ACSL4: variants seen among roughly 807,000 people sequenced by gnomAD.
ACSL4 encodes long-chain-fatty-acid--CoA ligase 4.
A neutral mutation model predicts 49.1 loss-of-function variants in ACSL4; 9 were observed. The observed-to-expected ratio is 0.18, with a 90% CI of 0.11 to 0.32. The LOEUF is 0.32. Ranked by LOEUF, ACSL4 falls within the 10% of genes least tolerant of loss-of-function variation. The pLI, the probability that ACSL4 is intolerant of heterozygous loss-of-function variation, is 1.00. For missense variants in ACSL4, 333 were observed against 493.7 expected (o/e 0.67, Z 3.08); for synonymous variants, 191 against 170.3 (o/e 1.12, Z -0.95).
At chrX:109,697,598 A>G (rs1925537897) in intron 1 of ACSL4, among the ~76,000 whole-genome samples, 1 of 109,315 alleles carries the variant, frequency 9.1e-6, no homozygotes, top group South Asian at 4.1e-4. Flanking sequence ...GTTACCAGGG[A>G]CAGTATCAGT....
At chrX:109,679,387 A>G (rs1923991302) in intron 6 of ACSL4, among the ~76,000 whole-genome samples, 1 of 112,637 alleles carries the variant, frequency 8.9e-6, no homozygotes. Context: ...CAAGTTTAAC[A>G]GGATTATCAC....
intron 1 of ACSL4, among the ~76,000 whole-genome samples, chrX:109,732,238 T>C (rs949213834): frequency 8.9e-6 from 1 of 112,176 alleles, no homozygotes; most frequent in African/African-American, 3.2e-5. Context: ...GAGCGACGAT[T>C]GACCTTTTTT....
intron 2 of ACSL4, among the ~76,000 whole-genome samples, chrX:109,694,943 A>T (rs953441571): frequency 1.8e-5 from 2 of 112,017 alleles, no homozygotes; most frequent in African/African-American, 6.5e-5. Context: ...AAGATCAGAA[A>T]TACACGCAAA....
chrX:109,726,881 T>G (rs12847335), intron 1 of ACSL4, among the ~76,000 whole-genome samples: 5 of 106,901 alleles, frequency 4.7e-5, no homozygotes, highest in Non-Finnish European at 9.6e-5. Context: ...TGTTGTTTTG[T>G]TTTTTTTGTT....
chrX:109,667,210 C>T (rs1279512469), intron 11 of ACSL4, among the ~76,000 whole-genome samples: 3 of 112,344 alleles, frequency 2.7e-5, no homozygotes, highest in Non-Finnish European at 5.6e-5. Context: ...AATTCCTATA[C>T]CCCAGTGTTT....
chrX:109,719,947 C>T (rs1208198208), intron 1 of ACSL4, among the ~76,000 whole-genome samples: 1 of 110,297 alleles, frequency 9.1e-6, no homozygotes, highest in Non-Finnish European at 1.9e-5. Flanking sequence ...GAGCTGAGAT[C>T]GTGCCATTGC....
intron 1 of ACSL4, among the ~76,000 whole-genome samples, chrX:109,718,976 A>G: frequency 9.0e-6 from 1 of 111,425 alleles, no homozygotes; most frequent in Non-Finnish European, 1.9e-5. Flanking sequence ...AAGCAAGGTG[A>G]TCCTTCAATC....
rs1923900941 is a variant in ACSL4, at chrX:109,678,367, A to G, written c.704T>C (p.Met235Thr). The change falls in exon 7 of 16, where the codon ATG becomes ACG. Residue 235 changes from methionine to threonine, a missense_variant. Coordinates refer to ENST00000672401, the MANE Select transcript of ACSL4 (RefSeq NM_001318510.2). Reference sequence around the variant, plus strand: ...TCGGCCAGTAGAACCACTAGTATACATAACAATGGCCATGTCTGAAGGCGT... The same window carrying G: ...TCGGCCAGTAGAACCACTAGTATACGTAACAATGGCCATGTCTGAAGGCGT... The part of the protein sequence containing the change: ...RPTPSDMAIV[M>T]YTSGSTGRPK... The G allele has an allele frequency of 8.2e-7, 1 of 1,212,139 alleles. No individual in the cohort carries two copies. The highest frequency in any genetic ancestry group is 1.1e-6 in the Non-Finnish European group (1 of 895,522).
intron 11 of ACSL4, among the ~76,000 whole-genome samples, chrX:109,667,542 G>C (rs958378582): frequency 8.9e-6 from 1 of 112,397 alleles, no homozygotes; most frequent in African/African-American, 3.2e-5. Flanking sequence ...TGATCATTTA[G>C]AGAAAGAAGA....
intron 1 of ACSL4, among the ~76,000 whole-genome samples, chrX:109,697,394 G>A (rs1925522168): frequency 9.0e-6 from 1 of 110,897 alleles, no homozygotes; most frequent in Non-Finnish European, 1.9e-5. Context: ...TCATATAAAC[G>A]AACATCCACA....
At chrX:109,686,717 AAG>A (rs1924631372) in intron 2 of ACSL4, among the ~76,000 whole-genome samples, 1 of 110,737 alleles carries the variant, frequency 9.0e-6, no homozygotes, top group African/African-American at 3.3e-5. Context: ...GTCTTAGAGA[AAG>A]AGAAATGCTT....
chrX:109,706,481 G>C (rs1926364006), intron 1 of ACSL4, among the ~76,000 whole-genome samples: 1 of 112,093 alleles, frequency 8.9e-6, no homozygotes, highest in Non-Finnish European at 1.9e-5. Flanking sequence ...AGCACATTCT[G>C]TTTATGAGCT....
intron 14 of ACSL4, among the ~76,000 whole-genome samples, chrX:109,660,621 A>G (rs1162829822): frequency 8.9e-6 from 1 of 111,933 alleles, no homozygotes; most frequent in Non-Finnish European, 1.9e-5. Flanking sequence ...TCAAAGAGAT[A>G]TTTGCATACG....
At chrX:109,697,713 G>C (rs1276015679) in intron 1 of ACSL4, among the ~76,000 whole-genome samples, 5 of 95,417 alleles carry the variant, frequency 5.2e-5, no homozygotes, top group South Asian at 6.2e-4. Flanking sequence ...ATTGACATGG[G>C]GGGGGGGGCG....
At chrX:109,710,715 A>T (rs1184791838) in intron 1 of ACSL4, among the ~76,000 whole-genome samples, 3 of 110,971 alleles carry the variant, frequency 2.7e-5, no homozygotes, top group Non-Finnish European at 3.8e-5. Context: ...TTAATTTTTA[A>T]TTTTTTTTGT....
chrX:109,726,438 C>A (rs765326660), intron 1 of ACSL4, among the ~76,000 whole-genome samples: 1 of 111,742 alleles, frequency 8.9e-6, no homozygotes, highest in Non-Finnish European at 1.9e-5. Context: ...ACAAACAAAC[C>A]AACCAACAAA....
intron 9 of ACSL4, among the ~76,000 whole-genome samples, chrX:109,673,786 T>TA (rs1194579445): frequency 8.9e-6 from 1 of 112,064 alleles, no homozygotes; most frequent in African/African-American, 3.2e-5. Flanking sequence ...TTCTGAAGCA[T>TA]AAAAAAAGCT....
At chrX:109,668,558 T>C (rs1922887971) in intron 10 of ACSL4, among the ~76,000 whole-genome samples, 1 of 111,866 alleles carries the variant, frequency 8.9e-6, no homozygotes, top group Non-Finnish European at 1.9e-5. Context: ...TTAATTATCT[T>C]TGGAACATTT....
At chrX:109,661,036 G>T (rs1379732042) in intron 14 of ACSL4, among the ~76,000 whole-genome samples, 1 of 111,276 alleles carries the variant, frequency 9.0e-6, no homozygotes, top group Admixed American at 9.5e-5. Flanking sequence ...CAACACTACT[G>T]AACTGTACAT....
Sources: gnomAD v4.1 joint callset for allele counts (sites outside exome capture counted in the v4.1 genomes callset) on GRCh38, gnomAD v4.1.1 for gene constraint, MANE v1.5 for transcripts, NCBI Gene and HGNC (gene_info 2026-07-23, HGNC 2026-07-21) for gene names.